PDSS1: variants seen among roughly 807,000 people sequenced by gnomAD.
The protein encoded by PDSS1 is all trans-polyprenyl-diphosphate synthase PDSS1.
A neutral mutation model predicts 57.5 loss-of-function variants in PDSS1; 43 were observed. The observed-to-expected ratio is 0.75, with a 90% confidence interval of 0.59 to 0.96. PDSS1 has a LOEUF of 0.96. PDSS1 is among the 50% of genes least tolerant of loss of function. The pLI, the probability that PDSS1 is intolerant of heterozygous loss-of-function variation, is 0.00. For missense variants in PDSS1, 438 were observed against 527.8 expected, an observed-to-expected ratio of 0.83 and a Z score of 1.67; for synonymous variants, 175 against 191.3, an observed-to-expected ratio of 0.91 and a Z score of 0.70.
chr10:26,699,678 T>A (rs1400888503), intron 1 of PDSS1, among the ~76,000 whole-genome samples: 1 of 152,180 alleles, frequency 6.6e-6, no homozygotes, highest in African/African-American at 2.4e-5. Context: ...ATTACAGGTG[T>A]GAGCCACCAC....
At chr10:26,722,426 T>C (rs2489550) in intron 6 of PDSS1, among the ~76,000 whole-genome samples, 132,493 of 152,216 alleles carry the variant, frequency 0.87, 57,691 homozygotes, top group East Asian at 0.93. Flanking sequence ...CACTTACGGC[T>C]GGGTGTGGTG....
intron 6 of PDSS1, among the ~76,000 whole-genome samples, chr10:26,722,392 A>G (rs1835817257): frequency 1.3e-5 from 2 of 152,196 alleles, no homozygotes; most frequent in African/African-American, 4.8e-5. Flanking sequence ...TCTAGCCTTT[A>G]TGACTAATTA....
intron 4 of PDSS1, among the ~76,000 whole-genome samples, chr10:26,709,240 A>G (rs1030776858): frequency 2.0e-5 from 3 of 152,190 alleles, no homozygotes; most frequent in African/African-American, 4.8e-5. Context: ...TGAAATGAAT[A>G]CACTTAAATT....
At chr10:26,703,371 C>T (rs183185651) in intron 2 of PDSS1, among the ~76,000 whole-genome samples, 5 of 152,150 alleles carry the variant, frequency 3.3e-5, no homozygotes, top group Non-Finnish European at 7.3e-5. Flanking sequence ...TTTGGTCAAG[C>T]GCAGTGACTC....
chr10:26,716,120 A>G (rs1456198224), intron 5 of PDSS1, among the ~76,000 whole-genome samples: 2 of 152,212 alleles, frequency 1.3e-5, no homozygotes, highest in Admixed American at 6.5e-5. Context: ...CTTTAGGTTT[A>G]GAAGGTGAAT....
intron 10 of PDSS1, among the ~76,000 whole-genome samples, chr10:26,739,004 T>C (rs542910464): frequency 6.6e-6 from 1 of 152,332 alleles, no homozygotes; most frequent in South Asian, 2.1e-4. Context: ...CTGGTGAAAC[T>C]TTTTTAATTT....
chr10:26,741,599 G>A (rs1836610940), intron 10 of PDSS1, among the ~76,000 whole-genome samples: 1 of 152,202 alleles, frequency 6.6e-6, no homozygotes, highest in African/African-American at 2.4e-5. Flanking sequence ...TTAAGGCAGA[G>A]CTCTGCACAT....
In PDSS1 at chr10:26,718,965, T is replaced by C. The variant is rs545178784; in HGVS notation, c.468-1253T>C. Among the ~76,000 whole-genome samples, 7 of 152,318 alleles carry C rather than the reference T, an allele frequency of 4.6e-5. No individual in the cohort carries two copies. In the East Asian group the frequency reaches 1.3e-3, roughly 29 times the overall value. ...GATAGTTAAATTACAGCACCTTTTA[T>C]GTAGTTATACTTCATTTTTCATTGC... On this transcript the variant is annotated intron_variant, in intron 5 of 11. Coordinates refer to ENST00000376215, the MANE Select transcript of PDSS1 (RefSeq NM_014317.5).
At position 26,704,083 on chromosome 10, in the gene PDSS1, C is replaced by CAAAAAAAAAAAAAAAAAAAAAAAAA. The variant is rs1203931422; in HGVS notation, c.163-575_163-574insAAAAAAAAAAAAAAAAAAAAAAAAA. On this transcript the variant is annotated intron_variant, in intron 2 of 11. Transcript: ENST00000376215. Reference sequence around the variant, plus strand: ...GACGACAGAACGAGACTCCGTCTCACAAAAAAAAAAAAAAAAAAATATGGC... The same window carrying CAAAAAAAAAAAAAAAAAAAAAAAAA: ...GACGACAGAACGAGACTCCGTCTCACAAAAAAAAAAAAAAAAAAAAAAAAAAAAAAAAAAAAAAAAAAAATATGGC... Among the ~76,000 whole-genome samples the CAAAAAAAAAAAAAAAAAAAAAAAAA allele has an allele frequency of 5.1e-3, 159 of 30,974 alleles. 19 individuals carry two copies. Among genetic ancestry groups the CAAAAAAAAAAAAAAAAAAAAAAAAA allele is most frequent in the East Asian group, 0.011 (3 of 274 alleles). The allele number at this position is 30,974 out of a possible 152,430, so 20.3% of individuals were successfully genotyped here.
intron 8 of PDSS1, chr10:26,734,735 A>G: frequency 2.2e-6 from 1 of 456,364 alleles, no homozygotes; most frequent in Non-Finnish European, 4.4e-6. Flanking sequence ...TGAAATTCCC[A>G]ACGATGATGA....
intron 1 of PDSS1, among the ~76,000 whole-genome samples, chr10:26,698,425 G>A (rs1349296909): frequency 2.6e-5 from 4 of 152,204 alleles, no homozygotes; most frequent in Non-Finnish European, 5.9e-5. Flanking sequence ...ACTGGAAGGA[G>A]AAAGGCCCGA....
chr10:26,734,549 C>G, intron 8 of PDSS1: 1 of 377,636 alleles, frequency 2.6e-6, no homozygotes, highest in Non-Finnish European at 5.2e-6. Flanking sequence ...TTATTTCTCC[C>G]CCATTGAAAG....
chr10:26,707,761 C>G (rs1425535059), intron 4 of PDSS1, among the ~76,000 whole-genome samples: 1 of 152,226 alleles, frequency 6.6e-6, no homozygotes, highest in Non-Finnish European at 1.5e-5. Flanking sequence ...TCTCCCACAC[C>G]CAGGTAGCTA....
intron 5 of PDSS1, among the ~76,000 whole-genome samples, chr10:26,713,321 G>A (rs1037472084): frequency 6.6e-6 from 1 of 151,908 alleles, no homozygotes; most frequent in Non-Finnish European, 1.5e-5. Context: ...AAAACATGGG[G>A]GATTTTTAAA....
chr10:26,701,074 G>A (rs1011149609), intron 1 of PDSS1, among the ~76,000 whole-genome samples: 7 of 152,178 alleles, frequency 4.6e-5, no homozygotes, highest in Non-Finnish European at 7.3e-5. Context: ...CTGGGAACTG[G>A]GCAAAGGTCA....
chr10:26,729,378 A>G (rs1046863062), intron 8 of PDSS1, among the ~76,000 whole-genome samples: 2 of 152,206 alleles, frequency 1.3e-5, no homozygotes, highest in African/African-American at 4.8e-5. Flanking sequence ...TAATGTAGGT[A>G]GATACGTGTA....
intron 5 of PDSS1, among the ~76,000 whole-genome samples, chr10:26,719,383 A>C (rs1422447860): frequency 6.6e-6 from 1 of 152,254 alleles, no homozygotes; most frequent in African/African-American, 2.4e-5. Flanking sequence ...TAAAAGTTTA[A>C]ATTTCTAATG....
Position 26,742,526 on chromosome 10 carries a change from A to T in PDSS1, c.1056A>T (p.Arg352=). 1.2e-6 allele frequency: 2 copies of T among 1,612,734 alleles called. No homozygotes were observed. The highest frequency in any genetic ancestry group is 1.7e-6 in the Non-Finnish European group (2 of 1,179,114). The change falls in exon 11 of 12, where the codon CGA becomes CGT. Residue 352 remains arginine, a synonymous_variant. Coordinates refer to ENST00000376215, the MANE Select transcript of PDSS1 (RefSeq NM_014317.5). ...CAGAAATGAATGCTATGATCATGCGACGGTTCAGTTTGCCTGGAGATGTAG... is the reference window on the plus strand; with the variant it reads ...CAGAAATGAATGCTATGATCATGCGTCGGTTCAGTTTGCCTGGAGATGTAG... ...QFPEMNAMIM[R]RFSLPGDVDR...
At chr10:26,732,863 G>A (rs569052196) in intron 8 of PDSS1, among the ~76,000 whole-genome samples, 17 of 152,320 alleles carry the variant, frequency 1.1e-4, no homozygotes, top group African/African-American at 4.1e-4. Flanking sequence ...GCTCACGCCT[G>A]TAATCCCAGC....
Sources: allele counts gnomAD v4.1 joint callset (sites outside exome capture counted in the v4.1 genomes callset), GRCh38; gene constraint gnomAD v4.1.1; transcripts MANE v1.5; gene names NCBI Gene and HGNC (gene_info 2026-07-23, HGNC 2026-07-21).